Variants in SDK1 observed in about 807,000 individuals in gnomAD.
SDK1 encodes protein sidekick-1.
SDK1 carries 157 observed loss-of-function variants against 245.5 expected under a neutral mutation model. The ratio of observed to expected loss-of-function variants is 0.64; its 90% CI spans 0.56 to 0.73. The LOEUF (loss-of-function observed/expected upper bound fraction) is 0.73, where lower values mean the gene tolerates loss of function less well. Ranked by LOEUF, SDK1 falls within the 30% of genes least tolerant of loss-of-function variation. SDK1 has a pLI of 0.00. For missense variants in SDK1, 3,583 were observed against 3,002.3 expected, an observed-to-expected ratio of 1.19 and a Z score of -4.52; for synonymous variants, 1,647 against 1,278.5, an observed-to-expected ratio of 1.29 and a Z score of -6.15.
At chr7:4,098,344 T>G (rs1410922493) in intron 22 of SDK1, among the ~76,000 whole-genome samples, 1 of 152,308 alleles carries the variant, frequency 6.6e-6, no homozygotes, top group East Asian at 1.9e-4. Flanking sequence ...CAAATTAAAT[T>G]TTATGAGACT....
At chr7:3,865,932 A>G (rs1780810601) in intron 5 of SDK1, among the ~76,000 whole-genome samples, 1 of 152,216 alleles carries the variant, frequency 6.6e-6, no homozygotes, top group Middle Eastern at 3.4e-3. Context: ...ACATAAACAC[A>G]CTTAAAGTGT....
Position 3,878,716 on chromosome 7 carries a change from CTG to C in SDK1, c.847+57135_847+57136del, listed in dbSNP as rs1318054264. ...AGGGTTCGAAGAGGAAGAGTCTCCT[CTG>C]TTTCTGTTATCTCTTTTCTTCTCAC... On this transcript the variant is annotated intron_variant, in intron 5 of 44. Transcript: ENST00000404826. Among the ~76,000 whole-genome samples the C allele has an allele frequency of 2.0e-5, 3 of 152,146 alleles. No homozygotes were observed. In the East Asian group the frequency reaches 5.8e-4, roughly 29 times the overall value.
rs532960019 is a variant in SDK1, at chr7:3,407,708, A to C, written c.298+105824A>C. On this transcript the variant is annotated intron_variant, in intron 1 of 44. Transcript: ENST00000404826. ...TGAAGATGAAGTTCTTTCATTTTGC[A>C]GTTACACAATGGAATATTATGTGTC... Among the ~76,000 whole-genome samples, 3 of 152,360 alleles carry C rather than the reference A, an allele frequency of 2.0e-5. No homozygotes were observed. The East Asian group carries it at 5.8e-4, about 29-fold the overall frequency.
intron 1 of SDK1, among the ~76,000 whole-genome samples, chr7:3,332,087 T>G (rs1226543356): frequency 3.9e-5 from 6 of 152,234 alleles, no homozygotes; most frequent in Non-Finnish European, 5.9e-5. Flanking sequence ...AAATACTTTA[T>G]TCAAACTATT....
intron 32 of SDK1, among the ~76,000 whole-genome samples, chr7:4,167,847 C>A (rs1202825087): frequency 6.6e-6 from 1 of 152,232 alleles, no homozygotes; most frequent in Non-Finnish European, 1.5e-5. Flanking sequence ...GTCTTGGGCA[C>A]AGGGTTGAGC....
intron 1 of SDK1, among the ~76,000 whole-genome samples, chr7:3,575,327 C>T (rs1416364635): frequency 6.6e-6 from 1 of 151,982 alleles, no homozygotes; most frequent in African/African-American, 2.4e-5. Context: ...CCAATTCCAT[C>T]ATGAGGGCCC....
rs548427150 is a variant in SDK1 at position 4,245,249 on chromosome 7, A to C, written c.6252-427A>C. Among the ~76,000 whole-genome samples the C allele has an allele frequency of 2.6e-5, 4 of 152,232 alleles. No homozygotes were observed. The East Asian group carries it at 7.8e-4, about 30-fold the overall frequency. On this transcript the variant is annotated intron_variant, in intron 43 of 44. Transcript: ENST00000404826. ...TCCCCAATTCCCTCTCATCTGTAGG[A>C]GACAATTCCCACTCCTTAGCATGGC... is the stretch of plus-strand genomic sequence containing the variant.
At chr7:3,791,032 C>A (rs1210615373) in intron 4 of SDK1, among the ~76,000 whole-genome samples, 3 of 152,090 alleles carry the variant, frequency 2.0e-5, no homozygotes, top group African/African-American at 7.2e-5. Flanking sequence ...GCTTCAGTAT[C>A]CTCATCGGTA....
rs150812600 is a variant in SDK1 at position 4,116,072 on chromosome 7, T to A, written c.3823+1798T>A. On this transcript the variant is annotated intron_variant, in intron 25 of 44. Transcript: ENST00000404826. Reference sequence around the variant, plus strand: ...TTAAAAGGGAGGAAAGCATAGACACTTGGGGGGCCCAGGGCTCCCGGGCCT... The same window carrying A: ...TTAAAAGGGAGGAAAGCATAGACACATGGGGGGCCCAGGGCTCCCGGGCCT... Among the ~76,000 whole-genome samples, 7 of 152,144 alleles carry A rather than the reference T, an allele frequency of 4.6e-5. No individual in the cohort carries two copies. The South Asian group carries it at 1.5e-3, about 32-fold the overall frequency.
chr7:3,555,756 C>G (rs565880436), intron 1 of SDK1, among the ~76,000 whole-genome samples: 1 of 151,990 alleles, frequency 6.6e-6, no homozygotes, highest in Admixed American at 6.6e-5. Flanking sequence ...AAAAAATGGA[C>G]AAAAGATCTG....
chr7:4,124,241 C>T (rs796654466), intron 25 of SDK1, among the ~76,000 whole-genome samples: 5 of 152,320 alleles, frequency 3.3e-5, no homozygotes, highest in East Asian at 3.9e-4. Flanking sequence ...ATGCCCCAAA[C>T]GGGGTGGCTT....
At position 4,172,102 on chromosome 7, in the gene SDK1, T is replaced by C. The variant is rs571183423; in HGVS notation, c.4801-2120T>C. ...CAAAGACCCAGCAAGGCCACTCAGT[T>C]GTTCCCGTTATGCTTTTCCGCGTCT... On this transcript the variant is annotated intron_variant, in intron 32 of 44. Coordinates refer to ENST00000404826, the MANE Select transcript of SDK1 (RefSeq NM_152744.4). Among the ~76,000 whole-genome samples the C allele has an allele frequency of 4.6e-5, 7 of 152,304 alleles. No individual in the cohort carries two copies. In the South Asian group the frequency reaches 1.5e-3, roughly 32 times the overall value.
At chr7:4,070,685 C>T (rs1722696205) in intron 20 of SDK1, among the ~76,000 whole-genome samples, 1 of 152,020 alleles carries the variant, frequency 6.6e-6, no homozygotes, top group African/African-American at 2.4e-5. Flanking sequence ...CACAAGGTCA[C>T]CTTGGAGCCA....
intron 13 of SDK1, among the ~76,000 whole-genome samples, chr7:3,982,839 CAA>C (rs530067376): frequency 2.5e-5 from 3 of 119,804 alleles, no homozygotes; most frequent in Non-Finnish European, 3.5e-5. Context: ...GACAACATCT[CAA>C]AAAAAAAAAA....
intron 5 of SDK1, among the ~76,000 whole-genome samples, chr7:3,911,040 G>T (rs1779144696): frequency 6.6e-6 from 1 of 152,182 alleles, no homozygotes; most frequent in Non-Finnish European, 1.5e-5. Context: ...TTCCAAGAGG[G>T]TGGCCTTGCC....
chr7:3,854,266 T>A (rs1444900763), intron 5 of SDK1, among the ~76,000 whole-genome samples: 1 of 152,148 alleles, frequency 6.6e-6, no homozygotes, highest in Non-Finnish European at 1.5e-5. Flanking sequence ...TCCTTCCTAG[T>A]TTTGTGACTG....
At chr7:3,353,655 C>T (rs1414062348) in intron 1 of SDK1, among the ~76,000 whole-genome samples, 1 of 152,148 alleles carries the variant, frequency 6.6e-6, no homozygotes, top group Non-Finnish European at 1.5e-5. Flanking sequence ...CAAAGCCAGA[C>T]CTATTACAAG....
chr7:3,582,716 A>G (rs958539746), intron 1 of SDK1, among the ~76,000 whole-genome samples: 1 of 146,978 alleles, frequency 6.8e-6, no homozygotes, highest in Admixed American at 6.8e-5. Context: ...AAAAGGTACC[A>G]TCAGGGCTAG....
intron 1 of SDK1, among the ~76,000 whole-genome samples, chr7:3,508,685 C>A (rs1193768078): frequency 1.3e-5 from 2 of 152,156 alleles, no homozygotes; most frequent in African/African-American, 4.8e-5. Flanking sequence ...GAGACCTTTC[C>A]TGATTCTTCA....
Sources: gnomAD v4.1 joint callset for allele counts (sites outside exome capture counted in the v4.1 genomes callset) on GRCh38, gnomAD v4.1.1 for gene constraint, MANE v1.5 for transcripts, NCBI Gene and HGNC (gene_info 2026-07-23, HGNC 2026-07-21) for gene names.